NF1: variants seen among roughly 807,000 people sequenced by gnomAD.
NF1 encodes neurofibromin 1, also known as neurofibromin.
In NF1, 122 loss-of-function variants were observed where a neutral mutation model predicts 325.7. The ratio of observed to expected loss-of-function variants is 0.37; its 90% confidence interval spans 0.32 to 0.44. NF1 has a LOEUF of 0.44. NF1 is among the 20% of genes least tolerant of loss of function. The pLI is 1.00. For synonymous variants in NF1, 1,091 were observed against 1,186.0 expected, an observed-to-expected ratio of 0.92 and a Z score of 1.65; for missense variants, 2,140 against 3,415.4, an observed-to-expected ratio of 0.63 and a Z score of 9.31.
At chr17:31,098,168 A>C (rs1460963263) in intron 1 of NF1, among the ~76,000 whole-genome samples, 4 of 150,134 alleles carry the variant, frequency 2.7e-5, no homozygotes, top group African/African-American at 9.7e-5. Flanking sequence ...ATAAATGTTT[A>C]ATTCAAATTA....
At chr17:31,323,845 C>CT (rs1046529455) in intron 36 of NF1, among the ~76,000 whole-genome samples, 34 of 152,288 alleles carry the variant, frequency 2.2e-4, no homozygotes, top group Admixed American at 9.8e-4. Flanking sequence ...CTCTCTCTCT[C>CT]TCCTTTGTCT....
intron 13 of NF1, among the ~76,000 whole-genome samples, chr17:31,214,954 TTGG>T (rs2066795165): frequency 6.6e-6 from 1 of 152,186 alleles, no homozygotes; most frequent in South Asian, 2.1e-4. Context: ...ATCTATACTG[TTGG>T]TTTAAAAAAT....
intron 1 of NF1, among the ~76,000 whole-genome samples, chr17:31,126,153 A>G (rs1163709819): frequency 1.3e-5 from 2 of 151,952 alleles, no homozygotes; most frequent in Admixed American, 1.3e-4. Flanking sequence ...TTGCCATTGC[A>G]CTCCAGCCTG....
rs376923044 is a variant in NF1, at chr17:31,126,175, C to T, written c.61-29808C>T. 3.9e-4 allele frequency among the ~76,000 whole-genome samples: 59 copies of T among 151,282 alleles called. 1 individual carries two copies. Among genetic ancestry groups the T allele is most frequent in the African/African-American group, 1.3e-3 (52 of 41,186 alleles). ...TGCACTCCAGCCTGGGCAACAAGAGCGACACTTCGTCTAAAAAAAAAGAAA... is the reference window on the plus strand; with the variant it reads ...TGCACTCCAGCCTGGGCAACAAGAGTGACACTTCGTCTAAAAAAAAAGAAA... On this transcript the variant is annotated intron_variant, in intron 1 of 57. Coordinates refer to ENST00000358273, the MANE Select transcript of NF1 (RefSeq NM_001042492.3).
At chr17:31,169,853 C>A in intron 4 of NF1, 38 bp from the exon 5 acceptor site, 1 of 1,430,224 alleles carries the variant, frequency 7.0e-7, no homozygotes, top group Non-Finnish European at 9.8e-7. Context: ...TCCCCTAATA[C>A]TTAATTTGAT....
At chr17:31,225,474 T>A (rs1389664056) in intron 17 of NF1, among the ~76,000 whole-genome samples, 3 of 152,108 alleles carry the variant, frequency 2.0e-5, no homozygotes, top group Admixed American at 6.6e-5. Flanking sequence ...GCCCCAGAGT[T>A]GTTAAAGAGG....
intron 36 of NF1, among the ~76,000 whole-genome samples, chr17:31,319,322 A>T (rs2069116907): frequency 6.6e-6 from 1 of 151,902 alleles, no homozygotes. Flanking sequence ...AGCGTGCTAG[A>T]CTTCTGCTTT....
At chr17:31,113,289 T>C (rs1418504528) in intron 1 of NF1, among the ~76,000 whole-genome samples, 1 of 152,212 alleles carries the variant, frequency 6.6e-6, no homozygotes, top group Non-Finnish European at 1.5e-5. Flanking sequence ...TTCTTTTTCT[T>C]TTTAAAGACA....
At chr17:31,142,118 C>T (rs1916262601) in intron 1 of NF1, among the ~76,000 whole-genome samples, 1 of 152,158 alleles carries the variant, frequency 6.6e-6, no homozygotes, top group Non-Finnish European at 1.5e-5. Flanking sequence ...CCATTGTTCA[C>T]AGAGTGCTTT....
rs776790281 is a variant in NF1 at position 31,163,402 on chromosome 17, T to G, written c.479+26T>G. On this transcript the variant is annotated intron_variant, in intron 4 of 57. Coordinates refer to ENST00000358273, the MANE Select transcript of NF1 (RefSeq NM_001042492.3). ...GTTAGTGTGTAAATCCACATGGGAC[T>G]ACTGAAGTAATATGAATATTAGAAG... is the stretch of plus-strand genomic sequence containing the variant. 3 of 1,602,118 alleles carry G rather than the reference T, an allele frequency of 1.9e-6. No individual in the cohort carries two copies. In the East Asian group the frequency reaches 6.7e-5, roughly 36 times the overall value.
At chr17:31,200,771 G>A (rs898340874) in intron 9 of NF1, among the ~76,000 whole-genome samples, 176 bp downstream of exon 9, 6 of 152,186 alleles carry the variant, frequency 3.9e-5, no homozygotes, top group African/African-American at 1.4e-4. Flanking sequence ...CTGAGAATAT[G>A]AAGAAAACAC....
In NF1 at chr17:31,126,712, G is replaced by T. The variant is rs551264182; in HGVS notation, c.61-29271G>T. On this transcript the variant is annotated intron_variant, in intron 1 of 57. Coordinates refer to ENST00000358273, the MANE Select transcript of NF1 (RefSeq NM_001042492.3). ...CCACCTCAGCCTCCCAAAGTGTTGA[G>T]ATTGTAGATTTGAGCCACAGTGCCT... 2.6e-5 allele frequency among the ~76,000 whole-genome samples: 4 copies of T among 152,216 alleles called. No homozygotes were observed. In the East Asian group the frequency reaches 7.7e-4, roughly 29 times the overall value.
intron 48 of NF1, among the ~76,000 whole-genome samples, chr17:31,348,901 T>C (rs1035311749): frequency 6.6e-6 from 1 of 152,150 alleles, no homozygotes; most frequent in African/African-American, 2.4e-5. Context: ...TTCTAGGGAA[T>C]ATTATATTCT....
At chr17:31,248,887 C>G in intron 29 of NF1, 97 bp from the exon 30 acceptor site, 2 of 1,182,244 alleles carry the variant, frequency 1.7e-6, no homozygotes, top group South Asian at 2.6e-5. Context: ...ACACGTTGCA[C>G]TTGGCTTAAT....
chr17:31,147,950 A>G (rs1047088750), intron 1 of NF1, among the ~76,000 whole-genome samples: 14 of 152,198 alleles, frequency 9.2e-5, no homozygotes, highest in African/African-American at 3.4e-4. Context: ...TTAGAGGTAC[A>G]TTGCCTGGGA....
At chr17:31,157,459 C>G (rs1203137840) in intron 2 of NF1, among the ~76,000 whole-genome samples, 1 of 151,776 alleles carries the variant, frequency 6.6e-6, no homozygotes, top group Non-Finnish European at 1.5e-5. Flanking sequence ...TTGCCTTATT[C>G]CCATATTTTA....
intron 20 of NF1, among the ~76,000 whole-genome samples, chr17:31,228,699 C>G (rs2067058633): frequency 6.6e-6 from 1 of 151,944 alleles, no homozygotes; most frequent in East Asian, 1.9e-4. Context: ...TTTGCCTATT[C>G]CGGATATATT....
At position 31,227,678 on chromosome 17, in the gene NF1, T is replaced by C. The variant is rs1398921864; in HGVS notation, c.2409+72T>C. 3 of 1,346,042 alleles carry C rather than the reference T, an allele frequency of 2.2e-6. No individual in the cohort carries two copies. The African/African-American group carries it at 4.3e-5, about 19-fold the overall frequency. 83.4% of individuals were successfully genotyped at this position (1,346,042 alleles called of 1,614,324 possible). Reference sequence around the variant, plus strand: ...ATATGTACTTCACTTTGATAATCTTTCAAGAGTCGCTCAGTAAAGTAAACA... The same window carrying C: ...ATATGTACTTCACTTTGATAATCTTCCAAGAGTCGCTCAGTAAAGTAAACA... On this transcript the variant is annotated intron_variant, in intron 20 of 57. Transcript: ENST00000358273.
intron 51 of NF1, among the ~76,000 whole-genome samples, chr17:31,355,240 A>G (rs1349018893): frequency 6.6e-6 from 1 of 152,204 alleles, no homozygotes; most frequent in Non-Finnish European, 1.5e-5. Flanking sequence ...AAATGTAGAA[A>G]GTAGTGTCCC....
Sources: gnomAD v4.1 joint callset for allele counts (sites outside exome capture counted in the v4.1 genomes callset) on GRCh38, gnomAD v4.1.1 for gene constraint, MANE v1.5 for transcripts, NCBI Gene and HGNC (gene_info 2026-07-23, HGNC 2026-07-21) for gene names.